The following SYNE1 variants were observed in gnomAD, a reference collection of about 807,000 sequenced individuals.
The protein encoded by SYNE1 is nesprin-1.
Under a neutral mutation model 1,111.0 loss-of-function variants are expected in SYNE1, and 616 were observed. That is an observed-to-expected ratio of 0.55 (90% CI 0.52 to 0.59). The LOEUF (loss-of-function observed/expected upper bound fraction) is 0.59, where lower values mean the gene tolerates loss of function less well. SYNE1 is among the 20% of genes least tolerant of loss of function. The pLI, the probability that SYNE1 is intolerant of heterozygous loss-of-function variation, is 0.00. For missense variants in SYNE1, 10,006 were observed against 10,417.0 expected (o/e 0.96, Z 1.72); for synonymous variants, 3,855 against 3,825.8 (o/e 1.01, Z -0.28).
At chr6:152,552,139 G>T (rs899715960) in intron 3 of SYNE1, among the ~76,000 whole-genome samples, 1 of 152,138 alleles carries the variant, frequency 6.6e-6, no homozygotes, top group African/African-American at 2.4e-5. Context: ...TGGGGAAAAG[G>T]GGGGAGAAAA....
intron 3 of SYNE1, among the ~76,000 whole-genome samples, chr6:152,559,466 C>T (rs2099387356): frequency 6.6e-6 from 1 of 151,798 alleles, no homozygotes; most frequent in Non-Finnish European, 1.5e-5. Flanking sequence ...AAACATAAAA[C>T]AAGAGATCAG....
intron 97 of SYNE1, among the ~76,000 whole-genome samples, chr6:152,278,913 A>G (rs1257920551): frequency 6.6e-6 from 1 of 151,896 alleles, no homozygotes; most frequent in African/African-American, 2.4e-5. Context: ...GATCACAGAC[A>G]TGTGACACCA....
Position 152,444,710 on chromosome 6 carries a change from G to C in SYNE1, c.3670-132C>G, listed in dbSNP as rs950431251. ...AAGGTGTACTACGTGACTGTGAAAT[G>C]ATTCTCCACATCAGGCTAATTAGCC... is the stretch of plus-strand genomic sequence containing the variant. On this transcript the variant is annotated intron_variant, in intron 29 of 145. Coordinates refer to ENST00000367255, the MANE Select transcript of SYNE1 (RefSeq NM_182961.4). 71 of 797,018 alleles carry C rather than the reference G, an allele frequency of 8.9e-5. No homozygotes were observed. In the Middle Eastern group the frequency reaches 1.5e-3, roughly 17 times the overall value. The allele number at this position is 797,018 out of a possible 1,614,324, so 49.4% of individuals were successfully genotyped here.
chr6:152,554,282 T>C (rs2099357825), intron 3 of SYNE1, among the ~76,000 whole-genome samples: 1 of 152,134 alleles, frequency 6.6e-6, no homozygotes, highest in South Asian at 2.1e-4. Flanking sequence ...TTGTATGCTA[T>C]GTTCGATACA....
intron 16 of SYNE1, among the ~76,000 whole-genome samples, chr6:152,468,271 G>A (rs1211960528): frequency 1.3e-5 from 2 of 152,064 alleles, no homozygotes; most frequent in African/African-American, 4.8e-5. Flanking sequence ...GGTTTATCAA[G>A]ACTATTTACA....
chr6:152,430,710 C>G lies in SYNE1; in HGVS notation c.4462-1G>C. On this transcript the variant is annotated splice_acceptor_variant, in intron 34 of 145. Coordinates refer to ENST00000367255, the MANE Select transcript of SYNE1 (RefSeq NM_182961.4). LOFTEE classifies it high-confidence loss of function. ...TACTTTCTATTTCCTGAATTGTGACCTAATAGTTAAAACAAGAAAAATGAC... is the reference window on the plus strand; with the variant it reads ...TACTTTCTATTTCCTGAATTGTGACGTAATAGTTAAAACAAGAAAAATGAC... 2 of 1,613,464 alleles carry G rather than the reference C, an allele frequency of 1.2e-6. No individual in the cohort carries two copies. The highest frequency in any genetic ancestry group is 1.7e-6 in the Non-Finnish European group (2 of 1,179,604).
At chr6:152,531,961 G>A (rs943631153) in intron 4 of SYNE1, among the ~76,000 whole-genome samples, 10 of 152,166 alleles carry the variant, frequency 6.6e-5, no homozygotes, top group Non-Finnish European at 1.3e-4. Context: ...CTATGAGCGT[G>A]AGTGTATTAA....
intron 4 of SYNE1, among the ~76,000 whole-genome samples, chr6:152,528,160 C>T (rs1228850617): frequency 6.6e-6 from 1 of 152,162 alleles, no homozygotes; most frequent in Admixed American, 6.5e-5. Context: ...GGCCATTCAC[C>T]ACTCAATCCT....
chr6:152,141,268 A>C lies in SYNE1; in HGVS notation c.25181T>G (p.Leu8394Arg). ...IDSVKRLEHK[L>R]KEEEESLPGF... is the part of the protein sequence containing the mutation. ...AGGAAGGCTCTCCTCTTCCTCCTTC[A>C]GTTTGTGCTCCAGTCTCTTCACGGA... The change falls in exon 139 of 146, where the codon CTG (leucine) becomes CGG (arginine). Residue 8394 changes from leucine to arginine, a missense_variant. Leu to Arg is a moderately radical substitution (Grantham distance 102, BLOSUM62 -2). Around this residue, in one of 7 missense-constraint regions of SYNE1, gnomAD observed 761 missense variants for 795.5 expected, o/e 0.96. Transcript: ENST00000367255. The C allele has an allele frequency of 3.7e-6, 6 of 1,614,102 alleles. No homozygotes were observed. Among genetic ancestry groups the C allele is most frequent in the Non-Finnish European group, 5.1e-6 (6 of 1,180,008 alleles).
chr6:152,316,219 G>A (rs1411224797), intron 87 of SYNE1: 1 of 155,174 alleles, frequency 6.4e-6, no homozygotes, highest in Non-Finnish European at 1.4e-5. Flanking sequence ...GCTCTGGGCT[G>A]CCCGACCTCC....
At chr6:152,498,463 A>C (rs2099011374) in intron 11 of SYNE1, among the ~76,000 whole-genome samples, 1 of 152,200 alleles carries the variant, frequency 6.6e-6, no homozygotes, top group Admixed American at 6.5e-5. Context: ...CCTTTTTATT[A>C]GTGTTATTAA....
At chr6:152,595,648 G>T (rs969178564) in intron 3 of SYNE1, among the ~76,000 whole-genome samples, 1 of 152,062 alleles carries the variant, frequency 6.6e-6, no homozygotes, top group African/African-American at 2.4e-5. Flanking sequence ...ATTCTTTCCC[G>T]AATTTGGAAA....
At chr6:152,593,439 G>T (rs908482537) in intron 3 of SYNE1, among the ~76,000 whole-genome samples, 5 of 152,078 alleles carry the variant, frequency 3.3e-5, no homozygotes, top group African/African-American at 9.7e-5. Flanking sequence ...AAAAAAATTA[G>T]GGTGTGGTGA....
intron 3 of SYNE1, among the ~76,000 whole-genome samples, chr6:152,557,160 T>C (rs775600285): frequency 2.0e-5 from 3 of 151,618 alleles, no homozygotes; most frequent in African/African-American, 2.4e-5. Context: ...ACACAATAAC[T>C]GAACTGAAAA....
At chr6:152,557,050 G>A (rs776865186) in intron 3 of SYNE1, among the ~76,000 whole-genome samples, 1 of 152,016 alleles carries the variant, frequency 6.6e-6, no homozygotes, top group Non-Finnish European at 1.5e-5. Context: ...CAGAAAGGCA[G>A]CTAACCCAAA....
intron 44 of SYNE1, among the ~76,000 whole-genome samples, chr6:152,408,506 A>T (rs535153027): frequency 7.9e-5 from 12 of 152,328 alleles, no homozygotes; most frequent in African/African-American, 2.9e-4. Flanking sequence ...AAACATTCAG[A>T]GTTATAACTT....
At chr6:152,615,438 A>T (rs906578168) in intron 3 of SYNE1, among the ~76,000 whole-genome samples, 2 of 131,074 alleles carry the variant, frequency 1.5e-5, no homozygotes, top group Admixed American at 7.5e-5. Context: ...ATTTTTTTTT[A>T]AAGCACAAAG....
In SYNE1 at chr6:152,184,799, A is replaced by C. The variant is rs1281500999; in HGVS notation, c.23301+4453T>G. 2.0e-5 allele frequency among the ~76,000 whole-genome samples: 3 copies of C among 152,286 alleles called. No individual in the cohort carries two copies. In the East Asian group the frequency reaches 5.8e-4, roughly 29 times the overall value. On this transcript the variant is annotated intron_variant, in intron 128 of 145. Transcript: ENST00000367255. ...GGCTACAAGCACTGGGTGCAAACCC[A>C]GGCCAAACGCTTTTCAAAAGATAAG...
At chr6:152,151,760 C>T in intron 134 of SYNE1, 70 bp from the exon 135 acceptor site, 1 of 1,561,800 alleles carries the variant, frequency 6.4e-7, no homozygotes, top group Non-Finnish European at 8.7e-7. Flanking sequence ...GGAGATGGCA[C>T]AGCGAATTCC....
Sources: gnomAD v4.1 joint callset for allele counts (sites outside exome capture counted in the v4.1 genomes callset) on GRCh38, gnomAD v4.1.1 for gene constraint, gnomAD v4.1.1 regional missense constraint, MANE v1.5 for transcripts, NCBI Gene and HGNC (gene_info 2026-07-23, HGNC 2026-07-21) for gene names.